The following ADAM12 variants were observed in gnomAD, a reference collection of about 807,000 sequenced individuals.
The protein encoded by ADAM12 is disintegrin and metalloproteinase domain-containing protein 12.
A neutral mutation model predicts 106.4 loss-of-function variants in ADAM12; 70 were observed. That is an observed-to-expected ratio of 0.66 (90% CI 0.54 to 0.80). The LOEUF (loss-of-function observed/expected upper bound fraction) is 0.80, where lower values mean the gene tolerates loss of function less well. Ranked by LOEUF, ADAM12 falls within the 30% of genes least tolerant of loss-of-function variation. The pLI is 0.00. For synonymous variants in ADAM12, 420 were observed against 433.5 expected, an observed-to-expected ratio of 0.97 and a Z score of 0.39; for missense variants, 1,010 against 1,171.9, an observed-to-expected ratio of 0.86 and a Z score of 2.02.
chr10:126,108,252 G>C (rs965075616), intron 8 of ADAM12, among the ~76,000 whole-genome samples: 3 of 152,166 alleles, frequency 2.0e-5, no homozygotes, highest in African/African-American at 7.2e-5. Context: ...ACCTGGGAGA[G>C]GCCCGGCTCA....
At chr10:126,371,103 A>C (rs1856100431) in intron 1 of ADAM12, among the ~76,000 whole-genome samples, 1 of 152,232 alleles carries the variant, frequency 6.6e-6, no homozygotes, top group African/African-American at 2.4e-5. Flanking sequence ...GTAGCTGTAT[A>C]ACTGCACAAG....
At chr10:126,314,682 AACCTTC>A (rs1307071990) in intron 2 of ADAM12, among the ~76,000 whole-genome samples, 1 of 152,206 alleles carries the variant, frequency 6.6e-6, no homozygotes, top group African/African-American at 2.4e-5. Flanking sequence ...ACTACTCAGA[AACCTTC>A]AGTGGCTCCC....
Position 126,014,458 on chromosome 10 carries a change from C to G in ADAM12, c.*2821G>C, listed in dbSNP as rs1953625627. ...CCCCGAGACTCGTCAGGAGTATTGA[C>G]TCTCCTACAGTTTAATTTGCTGCTT... On this transcript the variant is annotated 3_prime_UTR_variant, in exon 23 of 23. Transcript: ENST00000448723. 1 of 145,622 alleles carries G rather than the reference C, an allele frequency of 6.9e-6. No homozygotes were observed. The highest frequency in any genetic ancestry group is 1.5e-5 in the Non-Finnish European group (1 of 67,010). 9.0% of individuals were successfully genotyped at this position (145,622 alleles called of 1,614,324 possible).
chr10:126,165,653 C>T (rs533236931), intron 3 of ADAM12, among the ~76,000 whole-genome samples: 1 of 152,330 alleles, frequency 6.6e-6, no homozygotes, highest in East Asian at 1.9e-4. Context: ...TTCCTAACCA[C>T]TGGTGGACAC....
intron 12 of ADAM12, among the ~76,000 whole-genome samples, chr10:126,068,024 A>C (rs1193105464): frequency 6.6e-6 from 1 of 152,198 alleles, no homozygotes; most frequent in Non-Finnish European, 1.5e-5. Flanking sequence ...TCTATTATAC[A>C]GACTTCCAAA....
intron 1 of ADAM12, among the ~76,000 whole-genome samples, chr10:126,370,393 T>C (rs939555395): frequency 3.9e-5 from 6 of 152,238 alleles, no homozygotes; most frequent in African/African-American, 1.2e-4. Context: ...GGTTGAGTCC[T>C]GCATTTTATT....
chr10:126,110,426 G>A (rs1232337787), intron 6 of ADAM12, among the ~76,000 whole-genome samples: 2 of 151,960 alleles, frequency 1.3e-5, no homozygotes, highest in East Asian at 3.9e-4. Flanking sequence ...GGGGTGGTCT[G>A]GAGAAAAGGA....
chr10:126,149,783 C>T (rs1956697137), intron 4 of ADAM12, among the ~76,000 whole-genome samples: 1 of 152,198 alleles, frequency 6.6e-6, no homozygotes, highest in Admixed American at 6.5e-5. Context: ...GGGCCTTCAG[C>T]CACAGACTGA....
chr10:126,339,434 C>T (rs1260476717), intron 1 of ADAM12, among the ~76,000 whole-genome samples: 4 of 152,186 alleles, frequency 2.6e-5, no homozygotes, highest in African/African-American at 7.2e-5. Flanking sequence ...GGATGACTGA[C>T]TTCTTTGGCA....
intron 6 of ADAM12, 43 bp downstream of exon 6, chr10:126,117,995 G>A: frequency 6.3e-7 from 1 of 1,598,982 alleles, no homozygotes; most frequent in Non-Finnish European, 8.6e-7. Context: ...CGTAGCTTGA[G>A]CTCCTAGCTT....
chr10:126,197,386 C>T (rs942355841), intron 3 of ADAM12, among the ~76,000 whole-genome samples: 4 of 152,104 alleles, frequency 2.6e-5, no homozygotes, highest in African/African-American at 4.8e-5. Flanking sequence ...CAGGCTTGAG[C>T]GGAAGGGAGG....
chr10:126,385,832 C>T (rs1033769802), intron 1 of ADAM12, among the ~76,000 whole-genome samples: 3 of 152,042 alleles, frequency 2.0e-5, no homozygotes, highest in African/African-American at 7.2e-5. Context: ...TAGAGAGCCA[C>T]TGGGGAGTTT....
chr10:126,312,150 A>C (rs931197753), intron 2 of ADAM12, among the ~76,000 whole-genome samples: 5 of 149,346 alleles, frequency 3.3e-5, no homozygotes, highest in African/African-American at 1.3e-4. Context: ...AAAAAAAAAA[A>C]AACCCACGTT....
intron 2 of ADAM12, among the ~76,000 whole-genome samples, chr10:126,318,273 CT>C (rs1853958080): frequency 2.0e-5 from 3 of 151,950 alleles, no homozygotes; most frequent in Non-Finnish European, 4.4e-5. Context: ...TTCCCATACA[CT>C]TTCACACACT....
chr10:126,254,399 C>T (rs1210937828), intron 3 of ADAM12, among the ~76,000 whole-genome samples: 4 of 152,204 alleles, frequency 2.6e-5, no homozygotes, highest in African/African-American at 4.8e-5. Context: ...TGTCAGCTGT[C>T]GGCATTGTCA....
chr10:126,157,855 G>C (rs537540351), intron 3 of ADAM12, among the ~76,000 whole-genome samples: 3 of 152,266 alleles, frequency 2.0e-5, no homozygotes, highest in Non-Finnish European at 2.9e-5. Context: ...ATGAGCAAAG[G>C]AGAGGAAGAG....
rs545597435 is a variant in ADAM12, at chr10:126,047,266, G to A, written c.1918-1134C>T. 3.3e-5 allele frequency among the ~76,000 whole-genome samples: 5 copies of A among 152,234 alleles called. No homozygotes were observed. The East Asian group carries it at 7.7e-4, about 23-fold the overall frequency. On this transcript the variant is annotated intron_variant, in intron 16 of 22. Coordinates refer to ENST00000448723, the MANE Select transcript of ADAM12 (RefSeq NM_001288973.2). ...CTTCCTATTGAGGAGGTCACCATCC[G>A]ACCCCAACAGCTCATATAAGGGCAA...
chr10:126,301,049 AT>A (rs749840714), intron 2 of ADAM12, among the ~76,000 whole-genome samples: 2 of 152,212 alleles, frequency 1.3e-5, no homozygotes, highest in Non-Finnish European at 2.9e-5. Context: ...GTCTAGGGAC[AT>A]TTTTGGTTGT....
At chr10:126,158,924 G>C (rs999535564) in intron 3 of ADAM12, among the ~76,000 whole-genome samples, 2 of 149,492 alleles carry the variant, frequency 1.3e-5, no homozygotes, top group African/African-American at 4.9e-5. Flanking sequence ...GAGCATGGAG[G>C]GGGGATGCAC....
Sources: gnomAD v4.1 joint callset for allele counts (sites outside exome capture counted in the v4.1 genomes callset) on GRCh38, gnomAD v4.1.1 for gene constraint, MANE v1.5 for transcripts, NCBI Gene and HGNC (gene_info 2026-07-23, HGNC 2026-07-21) for gene names.